Variants in POT1 observed in about 807,000 individuals in gnomAD.
POT1 encodes protection of telomeres 1, also known as protection of telomeres protein 1.
A neutral mutation model predicts 78.5 loss-of-function variants in POT1; 47 were observed. The ratio of observed to expected loss-of-function variants is 0.60; its 90% confidence interval spans 0.47 to 0.76. POT1 has a LOEUF of 0.76. POT1 is among the 30% of genes least tolerant of loss of function. POT1 has a pLI of 0.00. For missense variants in POT1, 646 were observed against 749.9 expected, an observed-to-expected ratio of 0.86 and a Z score of 1.62; for synonymous variants, 259 against 260.7, an observed-to-expected ratio of 0.99 and a Z score of 0.06.
At chr7:124,914,027 C>T (rs1796954780) in intron 3 of POT1, among the ~76,000 whole-genome samples, 1 of 149,612 alleles carries the variant, frequency 6.7e-6, no homozygotes, top group Admixed American at 6.7e-5. Context: ...CCCAGCTACT[C>T]GGGAGGCTGA....
In POT1 at chr7:124,899,682, C is replaced by A. The variant is rs192443862; in HGVS notation, c.-153-1308G>T. ...TTTAAAGTTGTTTATCAAACTAACA[C>A]CGGAAGATAAACAGAAGTAGGGAAG... On this transcript the variant is annotated intron_variant, in intron 3 of 18. Coordinates refer to ENST00000357628, the MANE Select transcript of POT1 (RefSeq NM_015450.3). 3.3e-5 allele frequency among the ~76,000 whole-genome samples: 5 copies of A among 152,104 alleles called. No individual in the cohort carries two copies. In the East Asian group the frequency reaches 9.7e-4, roughly 29 times the overall value.
intron 6 of POT1, among the ~76,000 whole-genome samples, chr7:124,872,556 C>A (rs564286500): frequency 1.3e-5 from 2 of 152,134 alleles, no homozygotes; most frequent in Non-Finnish European, 2.9e-5. Flanking sequence ...ATCATGTGAC[C>A]CTTATTTTAC....
intron 7 of POT1, among the ~76,000 whole-genome samples, chr7:124,870,548 T>A (rs917031920): frequency 6.6e-6 from 1 of 151,718 alleles, no homozygotes; most frequent in African/African-American, 2.4e-5. Flanking sequence ...TTTGTATACA[T>A]TTTTTCTTGT....
chr7:124,929,031 A>C (rs1361435912), intron 1 of POT1, 32 bp from the exon 2 acceptor site: 1 of 152,560 alleles, frequency 6.6e-6, no homozygotes, highest in African/African-American at 2.4e-5. Flanking sequence ...TTTACCCAAA[A>C]TGAAGTCAAT....
At chr7:124,906,729 C>T (rs949320906) in intron 3 of POT1, among the ~76,000 whole-genome samples, 1 of 151,966 alleles carries the variant, frequency 6.6e-6, no homozygotes, top group Non-Finnish European at 1.5e-5. Flanking sequence ...TAGTGTTCAA[C>T]AAATATCTGG....
At position 124,825,266 on chromosome 7, in the gene POT1, GGA is replaced by G; in HGVS notation, c.1776_1777del (p.Pro593ArgfsTer5). On this transcript the variant is annotated frameshift_variant, in exon 18 of 19. Transcript: ENST00000357628. LOFTEE classifies it high-confidence loss of function. ...TTCTTGCCTACCAATTTTTATTCCT[GGA>G]GGACAAAACATATCCATGATCATAT... The G allele has an allele frequency of 6.2e-7, 1 of 1,604,490 alleles. No homozygotes were observed. The highest frequency in any genetic ancestry group is 8.5e-7 in the Non-Finnish European group (1 of 1,175,036).
At chr7:124,918,745 C>A (rs1797077021) in intron 2 of POT1, among the ~76,000 whole-genome samples, 1 of 152,020 alleles carries the variant, frequency 6.6e-6, no homozygotes, top group Admixed American at 6.6e-5. Context: ...ATAGCTATTC[C>A]CTTAAATTCC....
intron 6 of POT1, among the ~76,000 whole-genome samples, chr7:124,885,627 G>A (rs998254985): frequency 2.0e-5 from 3 of 151,964 alleles, no homozygotes; most frequent in African/African-American, 4.8e-5. Flanking sequence ...TTAGCCAGGC[G>A]TGGTGGCTGG....
chr7:124,889,381 A>C (rs550215172), intron 6 of POT1, among the ~76,000 whole-genome samples: 2 of 152,098 alleles, frequency 1.3e-5, no homozygotes, highest in Non-Finnish European at 2.9e-5. Flanking sequence ...TTCAGAAAAG[A>C]AGCCATCTTC....
chr7:124,928,695 C>A (rs1797335890), intron 2 of POT1, 120 bp downstream of exon 2: 1 of 152,504 alleles, frequency 6.6e-6, no homozygotes, highest in South Asian at 2.1e-4. Context: ...AATATTCAAT[C>A]TCAAATGTTA....
intron 4 of POT1, among the ~76,000 whole-genome samples, chr7:124,897,805 C>T (rs546984092): frequency 4.8e-4 from 73 of 151,838 alleles, no homozygotes; most frequent in Non-Finnish European, 9.4e-4. Flanking sequence ...ACCTAATAGC[C>T]TTGACTAAAA....
rs746121481 is a variant in POT1 at position 124,887,417 on chromosome 7, GT to G, written c.124+4848del. On this transcript the variant is annotated intron_variant, in intron 6 of 18. Coordinates refer to ENST00000357628, the MANE Select transcript of POT1 (RefSeq NM_015450.3). The stretch of plus-strand genomic sequence containing the variant: ...GCAATGTTCATTTACACACAGACTA[GT>G]TTTTTTTACATTATACGTTAATAAA... 4.2e-3 allele frequency among the ~76,000 whole-genome samples: 631 copies of G among 151,980 alleles called. 4 individuals are homozygous for G. The highest frequency in any genetic ancestry group is 0.024 in the Middle Eastern group (7 of 292).
At chr7:124,906,008 G>A (rs894950499) in intron 3 of POT1, among the ~76,000 whole-genome samples, 13 of 152,226 alleles carry the variant, frequency 8.5e-5, no homozygotes, top group Non-Finnish European at 1.6e-4. Flanking sequence ...GAGAGGATGT[G>A]GAGAAATAGG....
intron 6 of POT1, among the ~76,000 whole-genome samples, chr7:124,885,394 G>A (rs1796219501): frequency 6.6e-6 from 1 of 151,660 alleles, no homozygotes; most frequent in Admixed American, 6.6e-5. Context: ...GATTGCTTGA[G>A]CCCAGCAGTC....
chr7:124,832,957 T>C (rs986885654), intron 15 of POT1, among the ~76,000 whole-genome samples: 1 of 151,994 alleles, frequency 6.6e-6, no homozygotes, highest in Non-Finnish European at 1.5e-5. Context: ...TGCCCAGTAC[T>C]GGCAAGGCAA....
At chr7:124,859,148 T>C (rs1795522558) in intron 8 of POT1, 36 bp from the exon 9 acceptor site, 2 of 1,427,824 alleles carry the variant, frequency 1.4e-6, no homozygotes, top group South Asian at 3.6e-5. Context: ...TATGATCCTT[T>C]TGAAAAAATG....
chr7:124,839,660 C>T (rs995548457), intron 14 of POT1, among the ~76,000 whole-genome samples: 13 of 152,216 alleles, frequency 8.5e-5, no homozygotes, highest in Middle Eastern at 3.4e-3. Flanking sequence ...TTTCAAAGTG[C>T]TTTTACATAC....
At chr7:124,826,871 A>C (rs112520791) in intron 17 of POT1, among the ~76,000 whole-genome samples, 3 of 150,354 alleles carry the variant, frequency 2.0e-5, no homozygotes, top group South Asian at 4.2e-4. Flanking sequence ...TCCATCTCAA[A>C]AAACAAACAA....
rs1794567005 is a variant in POT1 at position 124,823,899 on chromosome 7, AAAG to A, written c.*60_*62del. ...TGCTGATACAAAACTCAGGTCAGGA[AAAG>A]AAGCTCAAACAGGGAAGGTGAGTGG... is the stretch of plus-strand genomic sequence containing the variant. On this transcript the variant is annotated 3_prime_UTR_variant, in exon 19 of 19. Transcript: ENST00000357628. 9.4e-7 allele frequency: 1 copy of A among 1,063,842 alleles called. No individual in the cohort carries two copies. The allele number at this position is 1,063,842 out of a possible 1,614,324, so 65.9% of individuals were successfully genotyped here. A position where few individuals can be genotyped will look rare whatever the true frequency, so the allele number is the denominator to read the frequency against.
Sources: gnomAD v4.1 joint callset for allele counts (sites outside exome capture counted in the v4.1 genomes callset) on GRCh38, gnomAD v4.1.1 for gene constraint, MANE v1.5 for transcripts, NCBI Gene and HGNC (gene_info 2026-07-23, HGNC 2026-07-21) for gene names.